IQCM: variants seen among roughly 807,000 people sequenced by gnomAD.
IQCM encodes IQ motif containing M, also known as IQ domain-containing protein M.
A neutral mutation model predicts 57.6 loss-of-function variants in IQCM; 45 were observed. The ratio of observed to expected loss-of-function variants is 0.78; its 90% CI spans 0.62 to 1.00. The LOEUF (loss-of-function observed/expected upper bound fraction) is 1.00, where lower values mean the gene tolerates loss of function less well. Among genes scored for constraint, IQCM ranks in the 50% least tolerant of loss-of-function variants. IQCM has a pLI of 0.00. For synonymous variants in IQCM, 148 were observed against 158.9 expected (o/e 0.93, Z 0.51); for missense variants, 468 against 511.6 (o/e 0.91, Z 0.82).
chr4:149,635,664 C>T (rs865870133), intron 7 of IQCM, among the ~76,000 whole-genome samples: 2 of 152,024 alleles, frequency 1.3e-5, no homozygotes, highest in Non-Finnish European at 2.9e-5. Context: ...ACCTGCATGC[C>T]TCTTCTCATC....
chr4:149,734,926 A>G (rs974099990), intron 4 of IQCM, among the ~76,000 whole-genome samples: 1 of 152,178 alleles, frequency 6.6e-6, no homozygotes, highest in African/African-American at 2.4e-5. Context: ...TCAAGGATCT[A>G]TCAGACCAGC....
Position 149,606,828 on chromosome 4 carries a change from G to C in IQCM, c.681+14301C>G, listed in dbSNP as rs149159720. ...ATTGCTCAAGCAGGACAAATAATTAGTGAACTCAAAGACAAGCTATTTCAA... is the reference window on the plus strand; with the variant it reads ...ATTGCTCAAGCAGGACAAATAATTACTGAACTCAAAGACAAGCTATTTCAA... On this transcript the variant is annotated intron_variant, in intron 8 of 13. Transcript: ENST00000636793. Among the ~76,000 whole-genome samples, 435 of 152,104 alleles carry C rather than the reference G, an allele frequency of 2.9e-3. 4 individuals carry two copies. Among genetic ancestry groups the C allele is most frequent in the African/African-American group, 9.9e-3 (412 of 41,518 alleles).
At chr4:149,525,934 TA>T (rs1158509924) in intron 12 of IQCM, among the ~76,000 whole-genome samples, 4 of 151,730 alleles carry the variant, frequency 2.6e-5, no homozygotes, top group Non-Finnish European at 5.9e-5. Context: ...ACAAAAATTA[TA>T]AATAGGCAAT....
intron 5 of IQCM, among the ~76,000 whole-genome samples, chr4:149,706,176 C>A (rs1764145641): frequency 6.6e-6 from 1 of 151,952 alleles, no homozygotes; most frequent in African/African-American, 2.4e-5. Context: ...GCTTTGTGGA[C>A]TTCAGCATAT....
chr4:149,673,072 G>A (rs946019463), intron 7 of IQCM, among the ~76,000 whole-genome samples: 3 of 151,950 alleles, frequency 2.0e-5, no homozygotes, highest in Non-Finnish European at 2.9e-5. Flanking sequence ...GACAAACAAA[G>A]GCTGAGAGAT....
At chr4:149,372,616 A>G (rs1173707073) in intron 13 of IQCM, among the ~76,000 whole-genome samples, 1 of 152,158 alleles carries the variant, frequency 6.6e-6, no homozygotes, top group Non-Finnish European at 1.5e-5. Flanking sequence ...TTTTCTGACC[A>G]TAACATTTAT....
chr4:149,548,359 A>C, intron 12 of IQCM, 96 bp downstream of exon 12: 1 of 1,020,854 alleles, frequency 9.8e-7, no homozygotes, highest in Non-Finnish European at 1.3e-6. Flanking sequence ...GGAAGGAATG[A>C]AGAAAGGAAG....
intron 13 of IQCM, among the ~76,000 whole-genome samples, chr4:149,388,521 A>AT (rs1243795100): frequency 5.1e-5 from 7 of 137,812 alleles, no homozygotes; most frequent in Non-Finnish European, 1.1e-4. Context: ...ATACATATAT[A>AT]TTATATATAT....
At chr4:149,701,923 A>G (rs1763802696) in intron 5 of IQCM, among the ~76,000 whole-genome samples, 2 of 151,966 alleles carry the variant, frequency 1.3e-5, no homozygotes, top group African/African-American at 2.4e-5. Flanking sequence ...ATAAGATTCT[A>G]TAATTAGAAG....
intron 2 of IQCM, among the ~76,000 whole-genome samples, chr4:149,808,208 T>G (rs1456253197): frequency 6.6e-6 from 1 of 152,132 alleles, no homozygotes; most frequent in African/African-American, 2.4e-5. Flanking sequence ...GTAGTATAGA[T>G]GCACAATGCA....
chr4:149,387,144 A>G (rs10003272), intron 13 of IQCM, among the ~76,000 whole-genome samples: 73,472 of 151,796 alleles, frequency 0.48, 18,057 homozygotes, highest in African/African-American at 0.54. Context: ...AGATCAAGGT[A>G]TTAGCAGATT....
chr4:149,800,913 C>T (rs1244789883), intron 2 of IQCM, among the ~76,000 whole-genome samples: 1 of 151,828 alleles, frequency 6.6e-6, no homozygotes, highest in Admixed American at 6.6e-5. Context: ...CTTCCCAAAG[C>T]ACTCACAAAT....
At chr4:149,592,361 T>G (rs962029883) in intron 8 of IQCM, among the ~76,000 whole-genome samples, 4 of 152,196 alleles carry the variant, frequency 2.6e-5, no homozygotes, top group African/African-American at 7.2e-5. Flanking sequence ...ATATTAGCCC[T>G]TTGTCAGATG....
chr4:149,533,361 T>C (rs1433890697), intron 12 of IQCM, among the ~76,000 whole-genome samples: 1 of 152,136 alleles, frequency 6.6e-6, no homozygotes, highest in Non-Finnish European at 1.5e-5. Context: ...ATCTCCTTCA[T>C]TTCCCAACAG....
chr4:149,491,103 C>A (rs1489789049), intron 12 of IQCM, among the ~76,000 whole-genome samples: 1 of 152,000 alleles, frequency 6.6e-6, no homozygotes, highest in Non-Finnish European at 1.5e-5. Context: ...GCCTAAATTA[C>A]CAGCTTTGAC....
chr4:149,489,316 C>T (rs533489181), intron 12 of IQCM, among the ~76,000 whole-genome samples: 1 of 152,150 alleles, frequency 6.6e-6, no homozygotes, highest in South Asian at 2.1e-4. Flanking sequence ...AGACAGAATG[C>T]TGTTTTAATG....
chr4:149,453,907 T>G (rs1046107584), intron 12 of IQCM, among the ~76,000 whole-genome samples: 12 of 151,816 alleles, frequency 7.9e-5, no homozygotes, highest in Admixed American at 7.3e-4. Context: ...TACAAAAACT[T>G]GTAATCAATG....
rs185322293 is a variant in IQCM at position 149,605,876 on chromosome 4, T to A, written c.681+15253A>T. ...GGCAAGGGAAGAGTACAGAGCACTT[T>A]GTCTTGCAACTTGAATACCAGCTCA... On this transcript the variant is annotated intron_variant, in intron 8 of 13. Coordinates refer to ENST00000636793, the MANE Select transcript of IQCM (RefSeq NM_001363507.2). Among the ~76,000 whole-genome samples the A allele has an allele frequency of 2.5e-3, 381 of 152,220 alleles. 1 individual carries two copies. The highest frequency in any genetic ancestry group is 8.6e-3 in the African/African-American group (359 of 41,546).
At chr4:149,751,283 C>A (rs1243195621) in intron 2 of IQCM, among the ~76,000 whole-genome samples, 2 of 152,188 alleles carry the variant, frequency 1.3e-5, no homozygotes, top group African/African-American at 4.8e-5. Flanking sequence ...TGAATCTCCC[C>A]TCCGTGAATT....
Sources: gnomAD v4.1 joint callset for allele counts (sites outside exome capture counted in the v4.1 genomes callset) on GRCh38, gnomAD v4.1.1 for gene constraint, MANE v1.5 for transcripts, NCBI Gene and HGNC (gene_info 2026-07-23, HGNC 2026-07-21) for gene names.